The following GTPBP8 variants were observed in gnomAD, a reference collection of about 807,000 sequenced individuals.
GTPBP8 encodes the protein GTP-binding protein 8.
Under a neutral mutation model 27.3 loss-of-function variants are expected in GTPBP8, and 21 were observed. The ratio of observed to expected loss-of-function variants is 0.77; its 90% CI spans 0.55 to 1.11. GTPBP8 has a LOEUF of 1.11. Ranked by LOEUF, GTPBP8 falls within the 50% of genes least tolerant of loss-of-function variation. GTPBP8 has a pLI of 0.00. For missense variants in GTPBP8, 380 were observed against 350.8 expected (o/e 1.08, Z -0.67); for synonymous variants, 147 against 135.3 (o/e 1.09, Z -0.60).
intron 2 of GTPBP8, among the ~76,000 whole-genome samples, chr3:112,993,858 A>G (rs1933733132): frequency 6.6e-6 from 1 of 152,138 alleles, no homozygotes; most frequent in Admixed American, 6.5e-5. Flanking sequence ...TCCATCGCTA[A>G]TGATTCTTCC....
Position 112,999,505 on chromosome 3 carries a change from G to T in GTPBP8, c.726G>T (p.Gln242His), listed in dbSNP as rs1054263. ...GACATCTTTTAAAACAAGTGCTTCA[G>T]ATCCAGAAATTTGTTAACATGAAAA... Reference protein sequence around the residue: ...SKGHLLKQVLQIQKFVNMKTQ... With the variant: ...SKGHLLKQVLHIQKFVNMKTQ... The change falls in exon 5 of 6, where the codon CAG (glutamine) becomes CAT (histidine). Residue 242 changes from glutamine to histidine, a missense_variant. Coordinates refer to ENST00000383678, the MANE Select transcript of GTPBP8 (RefSeq NM_014170.4). 58,898 of 1,543,064 alleles carry T rather than the reference G, an allele frequency of 0.038. 1,429 individuals are homozygous for T. The highest frequency in any genetic ancestry group is 0.11 in the African/African-American group (8,021 of 73,320).
intron 5 of GTPBP8, 25 bp from the exon 6 acceptor site, chr3:113,000,825 A>G (rs1327738231): frequency 6.8e-7 from 1 of 1,466,622 alleles, no homozygotes; most frequent in East Asian, 2.3e-5. Flanking sequence ...AAAGGAAGAA[A>G]ATTATTTCTC....
intron 3 of GTPBP8, among the ~76,000 whole-genome samples, chr3:112,995,468 C>T (rs1424382564): frequency 6.6e-6 from 1 of 151,946 alleles, no homozygotes; most frequent in Non-Finnish European, 1.5e-5. Context: ...TGTGGTTTAG[C>T]TTACCCTTAA....
intron 1 of GTPBP8, chr3:112,991,882 TA>T (rs1354793855): frequency 2.5e-5 from 6 of 243,614 alleles, no homozygotes; most frequent in Admixed American, 1.6e-4. Context: ...TAGATGGCAA[TA>T]ATGTGGAAAA....
In GTPBP8 at chr3:112,999,448, T is replaced by C. The variant is rs895720795; in HGVS notation, c.669T>C (p.Ile223=). ...CATAAAAATTTGTTTTCTTATAGAT[T>C]GTATTAACAAAAATTGACAAATCTT... ...MCEEFALPYV[I]VLTKIDKSSK... The change falls in exon 5 of 6, where the codon ATT becomes ATC. Residue 223 remains isoleucine (I), a splice_region_variant and synonymous_variant. Coordinates refer to ENST00000383678, the MANE Select transcript of GTPBP8 (RefSeq NM_014170.4). The C allele has an allele frequency of 2.4e-6, 3 of 1,249,988 alleles. No individual in the cohort carries two copies. The highest frequency in any genetic ancestry group is 1.9e-4 in the Middle Eastern group (1 of 5,234). The allele number at this position is 1,249,988 out of a possible 1,614,324, so 77.4% of individuals were successfully genotyped here.
In GTPBP8 at chr3:113,001,273, T is replaced by TG; in HGVS notation, c.*354_*355insG. 1 of 104,986 alleles carries TG rather than the reference T, an allele frequency of 9.5e-6. No individual in the cohort carries two copies. Among genetic ancestry groups the TG allele is most frequent in the Non-Finnish European group, 2.6e-5 (1 of 38,654 alleles). 6.5% of individuals were successfully genotyped at this position (104,986 alleles called of 1,614,324 possible). A position where few individuals can be genotyped will look rare whatever the true frequency, so the allele number is the denominator to read the frequency against. On this transcript the variant is annotated 3_prime_UTR_variant, in exon 6 of 6. Coordinates refer to ENST00000383678, the MANE Select transcript of GTPBP8 (RefSeq NM_014170.4). ...TTTTAAAGAATATGTCTACTATGGG[T>TG]ATTTTTTTTTTAAATGTTAAAATGG...
chr3:113,000,552 A>C (rs111863715), intron 5 of GTPBP8, among the ~76,000 whole-genome samples: 1 of 152,232 alleles, frequency 6.6e-6, no homozygotes, highest in Non-Finnish European at 1.5e-5. Flanking sequence ...AGGTAATTGA[A>C]TATTTATTAC....
intron 4 of GTPBP8, among the ~76,000 whole-genome samples, chr3:112,999,167 C>G (rs1933843549): frequency 6.6e-6 from 1 of 152,154 alleles, no homozygotes; most frequent in African/African-American, 2.4e-5. Flanking sequence ...CTCCAGGACC[C>G]TTCTCATTGA....
chr3:112,999,624 GTTT>G, intron 5 of GTPBP8, 60 bp downstream of exon 5: 2 of 645,892 alleles, frequency 3.1e-6, no homozygotes, highest in Non-Finnish European at 5.3e-6. Flanking sequence ...AATGTTGTGG[GTTT>G]TTTTTTTATT....
At chr3:112,997,448 G>A (rs1273891803) in intron 4 of GTPBP8, among the ~76,000 whole-genome samples, 1 of 152,138 alleles carries the variant, frequency 6.6e-6, no homozygotes, top group Non-Finnish European at 1.5e-5. Context: ...CACACAAGTA[G>A]GATTTTTATA....
At chr3:112,999,406 C>A in intron 4 of GTPBP8, 40 bp from the exon 5 acceptor site, 1 of 671,786 alleles carries the variant, frequency 1.5e-6, no homozygotes, top group South Asian at 2.3e-5. Context: ...TTATTAAGAA[C>A]CACTTTATTT....
chr3:112,996,091 C>A (rs1933780596), intron 3 of GTPBP8, among the ~76,000 whole-genome samples: 1 of 152,060 alleles, frequency 6.6e-6, no homozygotes, highest in African/African-American at 2.4e-5. Context: ...GGGGTAAAAT[C>A]AAATATTTAC....
Position 113,001,918 on chromosome 3 carries a change from A to G in GTPBP8, c.*999A>G, listed in dbSNP as rs1453779673. On this transcript the variant is annotated 3_prime_UTR_variant, in exon 6 of 6. Transcript: ENST00000383678. Reference sequence around the variant, plus strand: ...TTAGGTTTTCAAAGTGAAGCTTAATATTAAAAGGTTATAGCTGTATTGCTG... The same window carrying G: ...TTAGGTTTTCAAAGTGAAGCTTAATGTTAAAAGGTTATAGCTGTATTGCTG... 5.3e-5 allele frequency: 8 copies of G among 152,236 alleles called. No individual in the cohort carries two copies. The highest frequency in any genetic ancestry group is 1.5e-5 in the Non-Finnish European group (1 of 68,032). The allele number at this position is 152,236 out of a possible 1,614,324, so 9.4% of individuals were successfully genotyped here. A position where few individuals can be genotyped will look rare whatever the true frequency, so the allele number is the denominator to read the frequency against.
In GTPBP8 at chr3:112,991,264, G is replaced by C. The variant is rs146036883; in HGVS notation, c.265G>C (p.Glu89Gln). 186 of 1,613,790 alleles carry C rather than the reference G, an allele frequency of 1.2e-4. No homozygotes were observed. Among genetic ancestry groups the C allele is most frequent in the Non-Finnish European group, 1.5e-4 (182 of 1,180,048 alleles). Residue 89 changes from glutamate (E) to glutamine (Q), a missense_variant, in exon 1 of 6, where the codon GAA becomes CAA. Physicochemically the swap from Glu to Gln is conservative, Grantham distance 29. Coordinates refer to ENST00000383678, the MANE Select transcript of GTPBP8 (RefSeq NM_014170.4). ...GGCGGACAACATCTTCACGGCCACT[G>C]AACGGAACCGCATCGACTACGTCAG... ...ARADNIFTAT[E>Q]RNRIDYVSSA...
chr3:112,998,443 T>C (rs1257065058), intron 4 of GTPBP8, among the ~76,000 whole-genome samples: 1 of 152,146 alleles, frequency 6.6e-6, no homozygotes, highest in African/African-American at 2.4e-5. Context: ...CTCCATGTCC[T>C]CCTTGGGCAT....
rs999322042 is a variant in GTPBP8 at position 113,001,658 on chromosome 3, A to C, written c.*739A>C. ...GAAATATAGCAAAATTCACAGGTAG[A>C]TTTATTACAAGAAATGTCCTTTCAT... On this transcript the variant is annotated 3_prime_UTR_variant, in exon 6 of 6. Coordinates refer to ENST00000383678, the MANE Select transcript of GTPBP8 (RefSeq NM_014170.4). 1 of 152,220 alleles carries C rather than the reference A, an allele frequency of 6.6e-6. No homozygotes were observed. Among genetic ancestry groups the C allele is most frequent in the Non-Finnish European group, 1.5e-5 (1 of 68,028 alleles). 9.4% of individuals were successfully genotyped at this position (152,220 alleles called of 1,614,324 possible). A position where few individuals can be genotyped will look rare whatever the true frequency, so the allele number is the denominator to read the frequency against.
chr3:112,995,372 TATTTTATAAGGTCC>T, intron 3 of GTPBP8, 107 bp downstream of exon 3: 1 of 679,392 alleles, frequency 1.5e-6, no homozygotes, highest in South Asian at 2.3e-5. Flanking sequence ...TCAAATGACT[TATTTTATAAGGTCC>T]ATTTTATTCT....
rs914282430 is a variant in GTPBP8 at position 112,990,989 on chromosome 3, G to C, written c.-11G>C. 8 of 1,581,336 alleles carry C rather than the reference G, an allele frequency of 5.1e-6. No individual in the cohort carries two copies. The highest frequency in any genetic ancestry group is 6.9e-6 in the Non-Finnish European group (8 of 1,161,666). Reference sequence around the variant, plus strand: ...AGTAAAATCTCTCTGCCCGTCTTCTGGGAAGGGAGAATGGCGGCGCCCGGG... The same window carrying C: ...AGTAAAATCTCTCTGCCCGTCTTCTCGGAAGGGAGAATGGCGGCGCCCGGG... On this transcript the variant is annotated 5_prime_UTR_variant, in exon 1 of 6. Transcript: ENST00000383678.
Position 112,995,154 on chromosome 3 carries a change from A to AT in GTPBP8, c.461dup (p.Lys155GlnfsTer17). 6.2e-7 allele frequency: 1 copy of AT among 1,601,242 alleles called. No homozygotes were observed. Among genetic ancestry groups the AT allele is most frequent in the Non-Finnish European group, 8.5e-7 (1 of 1,174,774 alleles). The stretch of plus-strand genomic sequence containing the variant: ...TATCAGGGACACACAAAGAAAATGA[A>AT]TTTTTTCAAAGTTGGAAAACATTTT... On this transcript the variant is annotated frameshift_variant, in exon 3 of 6. Transcript: ENST00000383678. LOFTEE classifies it high-confidence loss of function.
Sources: allele counts gnomAD v4.1 joint callset (sites outside exome capture counted in the v4.1 genomes callset), GRCh38; gene constraint gnomAD v4.1.1; transcripts MANE v1.5; gene names NCBI Gene and HGNC (gene_info 2026-07-23, HGNC 2026-07-21).